The following FAM200B variants were observed in gnomAD, a reference collection of about 807,000 sequenced individuals.
FAM200B encodes protein FAM200B.
A neutral mutation model predicts 33.1 loss-of-function variants in FAM200B; 32 were observed. The ratio of observed to expected loss-of-function variants is 0.97; its 90% CI spans 0.73 to 1.30. The LOEUF (loss-of-function observed/expected upper bound fraction) is 1.30, where lower values mean the gene tolerates loss of function less well. FAM200B is among the 50% of genes most tolerant of loss of function. The pLI is 0.00. For missense variants in FAM200B, 741 were observed against 754.0 expected (o/e 0.98, Z 0.20); for synonymous variants, 240 against 264.8 (o/e 0.91, Z 0.91).
the FAM200B span, among the ~76,000 whole-genome samples, chr4:15,646,631 G>C: frequency 1.8e-4 from 27 of 151,716 alleles, no homozygotes; most frequent in African/African-American, 6.5e-4. Context: ...GTGCCATGTT[G>C]GTGTGCTGCA....
At chr4:15,683,122 A>G (rs1041505214) in intron 1 of FAM200B, among the ~76,000 whole-genome samples, 5 of 152,252 alleles carry the variant, frequency 3.3e-5, no homozygotes, top group Non-Finnish European at 5.9e-5. Context: ...TTGTAACAAT[A>G]ACAATCATTG....
At chr4:15,653,918 T>C in the FAM200B span, among the ~76,000 whole-genome samples, 1 of 152,230 alleles carries the variant, frequency 6.6e-6, no homozygotes, top group Non-Finnish European at 1.5e-5. Flanking sequence ...CTAATAGTTT[T>C]TAGTTTAAGG....
At chr4:15,656,162 G>A in the FAM200B span, 1 of 456,026 alleles carries the variant, frequency 2.2e-6, no homozygotes, top group Non-Finnish European at 4.4e-6. Flanking sequence ...GGTTGGTGCG[G>A]GAAAGAACCT....
intron 1 of FAM200B, among the ~76,000 whole-genome samples, chr4:15,683,153 C>G (rs1236225392): frequency 6.6e-6 from 1 of 152,180 alleles, no homozygotes; most frequent in African/African-American, 2.4e-5. Context: ...GTAAGACAAC[C>G]AGCCAGACTA....
chr4:15,660,322 A>G, the FAM200B span, among the ~76,000 whole-genome samples: 1 of 152,082 alleles, frequency 6.6e-6, no homozygotes, highest in African/African-American at 2.4e-5. Context: ...GCTTCAAGCA[A>G]TCCTCCCACA....
chr4:15,644,458 G>C, the FAM200B span: 1 of 1,546,736 alleles, frequency 6.5e-7, no homozygotes. Context: ...GATGGCACAA[G>C]TTTTGACAGT....
At chr4:15,664,829 G>A in the FAM200B span, among the ~76,000 whole-genome samples, 2 of 151,894 alleles carry the variant, frequency 1.3e-5, no homozygotes, top group South Asian at 2.1e-4. Flanking sequence ...AAAGTGCTGG[G>A]ATTACAGGCA....
the FAM200B span, among the ~76,000 whole-genome samples, chr4:15,660,651 T>G: frequency 2.9e-3 from 440 of 152,308 alleles, 6 homozygotes; most frequent in African/African-American, 0.01. Flanking sequence ...AAAGACTTGG[T>G]CTGGGACACT....
the FAM200B span, among the ~76,000 whole-genome samples, chr4:15,642,344 C>A: frequency 6.6e-6 from 1 of 151,744 alleles, no homozygotes; most frequent in Non-Finnish European, 1.5e-5. Flanking sequence ...GCGATTCTCC[C>A]ACCTCAGTCT....
At position 15,689,378 on chromosome 4, in the gene FAM200B, A is replaced by G. The variant is rs930211056; in HGVS notation, c.*427A>G. The G allele has an allele frequency of 5.9e-6, 1 of 168,328 alleles. No homozygotes were observed. 10.4% of individuals were successfully genotyped at this position (168,328 alleles called of 1,614,324 possible). ...CTGGCTTTTGTCAGTGGACTAGAGAACAGTTGAAGGGTTTAAGCGAAGGAG... is the reference window on the plus strand; with the variant it reads ...CTGGCTTTTGTCAGTGGACTAGAGAGCAGTTGAAGGGTTTAAGCGAAGGAG... On this transcript the variant is annotated 3_prime_UTR_variant, in exon 2 of 2. Transcript: ENST00000422728.
At chr4:15,636,964 C>A in the FAM200B span, among the ~76,000 whole-genome samples, 1 of 152,148 alleles carries the variant, frequency 6.6e-6, no homozygotes, top group Admixed American at 6.5e-5. Context: ...AAAAACAATA[C>A]TCACTTTGTA....
chr4:15,685,035 G>A (rs1195620775), intron 1 of FAM200B: 1 of 152,170 alleles, frequency 6.6e-6, no homozygotes, highest in African/African-American at 2.4e-5. Context: ...TTTCCTAGAA[G>A]AAGTCATGGT....
Position 15,688,702 on chromosome 4 carries a change from T to C in FAM200B, c.1725T>C (p.Tyr575=), listed in dbSNP as rs1274783932. 1 of 1,551,218 alleles carries C rather than the reference T, an allele frequency of 6.4e-7. No homozygotes were observed. The highest frequency in any genetic ancestry group is 2.0e-5 in the Admixed American group (1 of 50,984). The change falls in exon 2 of 2, where the codon TAT becomes TAC. Residue 575 remains tyrosine (Y), a synonymous_variant. Coordinates refer to ENST00000422728, the MANE Select transcript of FAM200B (RefSeq NM_001145191.2). ...CTTCATATACATTGAAGAATGATTATGAAACCTTAAGTTTATCAGCATTTT... is the reference window on the plus strand; with the variant it reads ...CTTCATATACATTGAAGAATGATTACGAAACCTTAAGTTTATCAGCATTTT... The part of the protein sequence containing the change: ...LSSSYTLKND[Y]ETLSLSAFWM...
intron 1 of FAM200B, chr4:15,684,842 C>CT (rs1718679892): frequency 6.6e-6 from 1 of 152,216 alleles, no homozygotes; most frequent in Non-Finnish European, 1.5e-5. Flanking sequence ...AGCTTTGTCT[C>CT]TTTCCAGCCA....
At chr4:15,644,552 A>C in the FAM200B span, 6 of 1,614,012 alleles carry the variant, frequency 3.7e-6, no homozygotes, top group Non-Finnish European at 5.1e-6. Context: ...TTATTGTCAG[A>C]ATGTACATTA....
At chr4:15,646,315 T>C in the FAM200B span, among the ~76,000 whole-genome samples, 2 of 152,128 alleles carry the variant, frequency 1.3e-5, no homozygotes, top group Admixed American at 6.5e-5. Flanking sequence ...GCTTGGCTCT[T>C]AAGCCACACA....
the FAM200B span, among the ~76,000 whole-genome samples, chr4:15,650,814 G>T: frequency 2.0e-5 from 3 of 151,774 alleles, no homozygotes; most frequent in Admixed American, 6.6e-5. Context: ...TGTATTTTTA[G>T]TAGAGATGAG....
chr4:15,680,959 A>T (rs1027021601), upstream of FAM200B, among the ~76,000 whole-genome samples: 7 of 148,042 alleles, frequency 4.7e-5, no homozygotes, highest in African/African-American at 1.7e-4. Flanking sequence ...TTTTTGTTTC[A>T]CATATATATA....
At position 15,688,458 on chromosome 4, in the gene FAM200B, A is replaced by G. The variant is rs1348634393; in HGVS notation, c.1481A>G (p.Asn494Ser). The change falls in exon 2 of 2, where the codon AAT becomes AGT. Residue 494 changes from asparagine (N) to serine (S), a missense_variant. Asn to Ser is a conservative substitution (Grantham distance 46, BLOSUM62 1). Coordinates refer to ENST00000422728, the MANE Select transcript of FAM200B (RefSeq NM_001145191.2). ...FPRFLQHIEENIINENILKEI... is the reference protein window; with the variant it reads ...FPRFLQHIEESIINENILKEI... ...AGATTTTTGCAGCATATTGAAGAGAATATTATTAATGAAAACATTTTGAAA... is the reference window on the plus strand; with the variant it reads ...AGATTTTTGCAGCATATTGAAGAGAGTATTATTAATGAAAACATTTTGAAA... 6.5e-7 allele frequency: 1 copy of G among 1,540,856 alleles called. No homozygotes were observed. The highest frequency in any genetic ancestry group is 2.5e-5 in the East Asian group (1 of 40,746).
Sources: gnomAD v4.1 joint callset for allele counts (sites outside exome capture counted in the v4.1 genomes callset) on GRCh38, gnomAD v4.1.1 for gene constraint, MANE v1.5 for transcripts, NCBI Gene and HGNC (gene_info 2026-07-23, HGNC 2026-07-21) for gene names.